The following FOCAD variants were observed in gnomAD, a reference collection of about 807,000 sequenced individuals.
FOCAD encodes the protein KIAA1797.
In FOCAD, 198 loss-of-function variants were observed where a neutral mutation model predicts 225.6. That is an observed-to-expected ratio of 0.88 (90% CI 0.78 to 0.99). FOCAD has a LOEUF of 0.99. Ranked by LOEUF, FOCAD falls within the 50% of genes least tolerant of loss-of-function variation. The pLI, the probability that FOCAD is intolerant of heterozygous loss-of-function variation, is 0.00. For synonymous variants in FOCAD, 897 were observed against 755.0 expected (o/e 1.19, Z -3.08); for missense variants, 2,713 against 2,123.6 (o/e 1.28, Z -5.46).
At chr9:20,736,975 T>C (rs569011122) in intron 4 of FOCAD, among the ~76,000 whole-genome samples, 127 of 152,120 alleles carry the variant, frequency 8.3e-4, no homozygotes, top group Non-Finnish European at 1.5e-3. Context: ...TCAAGTGGGT[T>C]GAGGGGGATA....
intron 5 of FOCAD, among the ~76,000 whole-genome samples, chr9:20,748,602 C>T (rs1349813702): frequency 6.6e-6 from 1 of 151,942 alleles, no homozygotes; most frequent in Admixed American, 6.6e-5. Flanking sequence ...CTGAAAAAGC[C>T]CAATGGAGTT....
chr9:20,711,405 A>T (rs1477654416), intron 1 of FOCAD, among the ~76,000 whole-genome samples: 1 of 152,230 alleles, frequency 6.6e-6, no homozygotes, highest in African/African-American at 2.4e-5. Context: ...CCAACAAACA[A>T]TTGAAAACCC....
chr9:20,957,110 G>A (rs1587716029), intron 35 of FOCAD, among the ~76,000 whole-genome samples: 1 of 152,270 alleles, frequency 6.6e-6, no homozygotes, highest in East Asian at 1.9e-4. Flanking sequence ...ATCACCCAGG[G>A]TGAAGTGCGG....
chr9:20,748,107 G>C (rs1395231275), intron 5 of FOCAD, among the ~76,000 whole-genome samples: 1 of 151,928 alleles, frequency 6.6e-6, no homozygotes, highest in Non-Finnish European at 1.5e-5. Flanking sequence ...ATCTCCTGAG[G>C]TATAAATGTT....
intron 5 of FOCAD, among the ~76,000 whole-genome samples, chr9:20,756,183 T>C (rs1030855952): frequency 6.6e-6 from 1 of 152,174 alleles, no homozygotes; most frequent in Admixed American, 6.6e-5. Flanking sequence ...AAAAAGTTGC[T>C]TGGAGTGATC....
chr9:20,854,485 A>C (rs1827972778), intron 15 of FOCAD, among the ~76,000 whole-genome samples: 1 of 151,740 alleles, frequency 6.6e-6, no homozygotes, highest in Admixed American at 6.6e-5. Flanking sequence ...CACCATAGTC[A>C]CACAGCTACC....
At chr9:20,986,265 A>C in intron 39 of FOCAD, 23 bp from the exon 40 acceptor site, 1 of 457,022 alleles carries the variant, frequency 2.2e-6, no homozygotes, top group Non-Finnish European at 2.9e-6. Context: ...GTAACTAAAC[A>C]ATTTTTTTTT....
Position 20,933,055 on chromosome 9 carries a change from C to T in FOCAD, c.3359C>T (p.Ser1120Leu), listed in dbSNP as rs768308950. The change falls in exon 28 of 44, where the codon TCG becomes TTG. Residue 1120 changes from serine (S) to leucine (L), a missense_variant. Ser to Leu is a moderately radical substitution (Grantham distance 145). Transcript: ENST00000338382. ...GQEMNLLLMK[S>L]LDALENCCFD... ...GAGATGAACCTTCTTCTGATGAAGT[C>T]GTTGGATGCCCTGGAAAATTGCTGC... 1.4e-5 allele frequency: 23 copies of T among 1,613,880 alleles called. No individual in the cohort carries two copies. The highest frequency in any genetic ancestry group is 3.3e-5 in the Admixed American group (2 of 60,018).
chr9:20,841,761 C>A (rs1422513932), intron 15 of FOCAD, among the ~76,000 whole-genome samples: 3 of 151,528 alleles, frequency 2.0e-5, no homozygotes, highest in Non-Finnish European at 3.0e-5. Flanking sequence ...TTTATTTCCC[C>A]TTTCATCTTT....
chr9:20,920,898 G>T (rs1238047423), intron 24 of FOCAD, among the ~76,000 whole-genome samples: 2 of 150,888 alleles, frequency 1.3e-5, no homozygotes, highest in Non-Finnish European at 3.0e-5. Flanking sequence ...CACCAGCATG[G>T]CACATGTATA....
rs10511687 is a variant in FOCAD, at chr9:20,764,871, T to C, written c.497T>C (p.Leu166Ser). ...TAFFQQCPER[L>S]EVSCIQIMAP... ...CTAATGTATTTCATGTCTTATAGGTTAGAAGTTTCATGCATTCAAATAATG... is the reference window on the plus strand; with the variant it reads ...CTAATGTATTTCATGTCTTATAGGTCAGAAGTTTCATGCATTCAAATAATG... The change falls in exon 7 of 44, where the codon TTA becomes TCA. Residue 166 changes from leucine (L) to serine (S), a missense_variant and splice_region_variant. Coordinates refer to ENST00000338382, the MANE Select transcript of FOCAD (RefSeq NM_001375567.1). 563,917 of 1,611,422 alleles carry C rather than the reference T, an allele frequency of 0.35. 101,775 individuals carry two copies. Among genetic ancestry groups the C allele is most frequent in the South Asian group, 0.38 (34,203 of 90,864 alleles).
At chr9:20,761,975 A>C (rs1007635178) in intron 6 of FOCAD, among the ~76,000 whole-genome samples, 5 of 152,234 alleles carry the variant, frequency 3.3e-5, no homozygotes, top group African/African-American at 1.2e-4. Flanking sequence ...AAATCAGAAC[A>C]GATTAAGCCA....
intron 16 of FOCAD, 33 bp downstream of exon 16, chr9:20,862,745 T>C: frequency 6.3e-7 from 1 of 1,592,184 alleles, no homozygotes; most frequent in Non-Finnish European, 8.6e-7. Context: ...ATTGCCTGCT[T>C]CTTCATGGGA....
chr9:20,792,448 C>G (rs1287235225), intron 11 of FOCAD, among the ~76,000 whole-genome samples: 1 of 152,174 alleles, frequency 6.6e-6, no homozygotes, highest in Admixed American at 6.5e-5. Context: ...TAGAGAACCA[C>G]AAGTTCCTTC....
chr9:20,661,180 A>C (rs1360304655), intron 2 of FOCAD, among the ~76,000 whole-genome samples: 1 of 152,228 alleles, frequency 6.6e-6, no homozygotes, highest in Non-Finnish European at 1.5e-5. Context: ...GAAGTACGGA[A>C]GCAAAGTTAT....
At chr9:20,685,290 C>CA (rs1822599291) in intron 1 of FOCAD, among the ~76,000 whole-genome samples, 1 of 151,334 alleles carries the variant, frequency 6.6e-6, no homozygotes, top group Non-Finnish European at 1.5e-5. Context: ...GTAATGACTC[C>CA]AGGTTTCAGT....
At chr9:20,880,969 A>C (rs1830619436) in intron 19 of FOCAD, among the ~76,000 whole-genome samples, 1 of 152,210 alleles carries the variant, frequency 6.6e-6, no homozygotes, top group Admixed American at 6.5e-5. Flanking sequence ...TTTTGTTTAT[A>C]CATCCTGTTG....
At chr9:20,983,303 G>A (rs902425638) in intron 39 of FOCAD, among the ~76,000 whole-genome samples, 2 of 152,142 alleles carry the variant, frequency 1.3e-5, no homozygotes, top group Non-Finnish European at 2.9e-5. Flanking sequence ...GCCAGGTGCG[G>A]TGGCTCACGC....
upstream of FOCAD, among the ~76,000 whole-genome samples, chr9:20,656,523 A>G (rs551104155): frequency 6.6e-6 from 1 of 151,990 alleles, no homozygotes; most frequent in Non-Finnish European, 1.5e-5. Context: ...TCCCTTTACC[A>G]TTATGTAATG....
Sources: gnomAD v4.1 joint callset for allele counts (sites outside exome capture counted in the v4.1 genomes callset) on GRCh38, gnomAD v4.1.1 for gene constraint, MANE v1.5 for transcripts, NCBI Gene and HGNC (gene_info 2026-07-23, HGNC 2026-07-21) for gene names.